The following PDGFC variants were observed in gnomAD, a reference collection of about 807,000 sequenced individuals.
PDGFC encodes the protein platelet derived growth factor C.
PDGFC carries 12 observed loss-of-function variants against 35.5 expected under a neutral mutation model. The ratio of observed to expected loss-of-function variants is 0.34; its 90% CI spans 0.22 to 0.55. The LOEUF is 0.55. Among genes scored for constraint, PDGFC ranks in the 20% least tolerant of loss-of-function variants. The probability of loss-of-function intolerance (pLI) is 0.91; values close to 1 mark genes in which losing one functional copy is unlikely to be tolerated. For missense variants in PDGFC, 322 were observed against 412.4 expected, an observed-to-expected ratio of 0.78 and a Z score of 1.90; for synonymous variants, 159 against 148.8, an observed-to-expected ratio of 1.07 and a Z score of -0.50.
At chr4:156,830,579 A>G (rs1728907808) in intron 2 of PDGFC, among the ~76,000 whole-genome samples, 1 of 152,180 alleles carries the variant, frequency 6.6e-6, no homozygotes, top group Admixed American at 6.5e-5. Context: ...GGCAAATATG[A>G]TCACATTTTT....
chr4:156,825,874 T>G (rs1289581320), intron 2 of PDGFC, among the ~76,000 whole-genome samples: 2 of 151,630 alleles, frequency 1.3e-5, no homozygotes, highest in African/African-American at 4.8e-5. Flanking sequence ...AATTTTCTTT[T>G]TTTTTTTTTT....
intron 1 of PDGFC, among the ~76,000 whole-genome samples, chr4:156,959,347 T>G (rs1276513283): frequency 6.6e-6 from 1 of 152,014 alleles, no homozygotes; most frequent in Non-Finnish European, 1.5e-5. Context: ...CACCCCTAAA[T>G]TTGGACTGCA....
At chr4:156,891,526 T>C (rs2343116) in intron 1 of PDGFC, among the ~76,000 whole-genome samples, 6,969 of 151,834 alleles carry the variant, frequency 0.046, 347 homozygotes, top group Admixed American at 0.15. Context: ...GATTCTCTAT[T>C]GGAGTTTACA....
intron 1 of PDGFC, among the ~76,000 whole-genome samples, chr4:156,962,143 C>T (rs1231379677): frequency 6.6e-6 from 1 of 152,150 alleles, no homozygotes; most frequent in Non-Finnish European, 1.5e-5. Flanking sequence ...GCAGGAAGTA[C>T]ACACAGCATC....
intron 1 of PDGFC, among the ~76,000 whole-genome samples, chr4:156,859,820 A>C (rs902099328): frequency 6.6e-6 from 1 of 152,168 alleles, no homozygotes; most frequent in Non-Finnish European, 1.5e-5. Context: ...CATTTTTAAT[A>C]CCAATGAGAA....
chr4:156,970,869 G>A lies in PDGFC; in HGVS notation c.35C>T (p.Ala12Val). 5 of 1,613,846 alleles carry A rather than the reference G, an allele frequency of 3.1e-6. No individual in the cohort carries two copies. The highest frequency in any genetic ancestry group is 3.4e-6 in the Non-Finnish European group (4 of 1,179,820). ...AGTCCCCTGTCTCTGGCCGGCCAGG[G>A]CAGATGTCAGCAGGAGAAGCCCGAA... ...SLFGLLLLTSALAGQRQGTQA... is the reference protein window; with the variant it reads ...SLFGLLLLTSVLAGQRQGTQA... The change falls in exon 1 of 6, where the codon GCC becomes GTC. Residue 12 changes from alanine (A) to valine (V), a missense_variant. Coordinates refer to ENST00000502773, the MANE Select transcript of PDGFC (RefSeq NM_016205.3).
At chr4:156,886,485 A>G (rs1730378675) in intron 1 of PDGFC, among the ~76,000 whole-genome samples, 1 of 152,220 alleles carries the variant, frequency 6.6e-6, no homozygotes, top group African/African-American at 2.4e-5. Context: ...GCTATTTGGC[A>G]GACATACTTT....
rs1047415044 is a variant in PDGFC, at chr4:156,936,609, A to C, written c.118+34177T>G. On this transcript the variant is annotated intron_variant, in intron 1 of 5. Transcript: ENST00000502773. ...ACTAGAGAAGAATCAGGAAAAGGCAATTGGAAAAAGAGGAAATATTTGAAA... is the reference window on the plus strand; with the variant it reads ...ACTAGAGAAGAATCAGGAAAAGGCACTTGGAAAAAGAGGAAATATTTGAAA... 2.0e-5 allele frequency among the ~76,000 whole-genome samples: 3 copies of C among 152,220 alleles called. No individual in the cohort carries two copies. In the South Asian group the frequency reaches 6.2e-4, roughly 32 times the overall value.
chr4:156,777,876 G>A (rs899621640), intron 3 of PDGFC, among the ~76,000 whole-genome samples: 9 of 152,152 alleles, frequency 5.9e-5, no homozygotes, highest in African/African-American at 2.2e-4. Flanking sequence ...GCCAAGGCGG[G>A]TGGATCACTT....
At chr4:156,865,866 G>A (rs568834635) in intron 1 of PDGFC, among the ~76,000 whole-genome samples, 1 of 152,138 alleles carries the variant, frequency 6.6e-6, no homozygotes, top group Admixed American at 6.5e-5. Context: ...GCATAAAATA[G>A]ATTTAATTTG....
chr4:156,824,795 C>G (rs957277557), intron 2 of PDGFC, among the ~76,000 whole-genome samples: 4 of 152,224 alleles, frequency 2.6e-5, no homozygotes, highest in Admixed American at 6.5e-5. Flanking sequence ...TCATAGTCCT[C>G]TCTCTTCTAG....
chr4:156,911,992 A>C (rs1394078749), intron 1 of PDGFC, among the ~76,000 whole-genome samples: 1 of 152,142 alleles, frequency 6.6e-6, no homozygotes, highest in African/African-American at 2.4e-5. Context: ...TCAAGGTTTC[A>C]ATATTTAAAA....
intron 1 of PDGFC, among the ~76,000 whole-genome samples, chr4:156,958,378 C>A (rs985218820): frequency 2.0e-5 from 3 of 151,678 alleles, no homozygotes; most frequent in African/African-American, 4.8e-5. Context: ...ATAATATCCA[C>A]CATTGTCTGT....
intron 1 of PDGFC, among the ~76,000 whole-genome samples, chr4:156,901,862 T>G (rs1202999469): frequency 2.0e-5 from 3 of 152,114 alleles, no homozygotes; most frequent in Admixed American, 2.0e-4. Context: ...TCTGCCCGCC[T>G]CGGCCTCCCA....
chr4:156,827,180 G>A (rs1728787671), intron 2 of PDGFC, among the ~76,000 whole-genome samples: 1 of 152,140 alleles, frequency 6.6e-6, no homozygotes, highest in Non-Finnish European at 1.5e-5. Flanking sequence ...CACTTTGGGA[G>A]GCCAAGGTGG....
In PDGFC at chr4:156,762,987, A is replaced by G; in HGVS notation, c.*103T>C. 1.5e-6 allele frequency: 1 copy of G among 680,740 alleles called. No homozygotes were observed. The highest frequency in any genetic ancestry group is 1.9e-5 in the Admixed American group (1 of 52,626). The allele number at this position is 680,740 out of a possible 1,614,324, so 42.2% of individuals were successfully genotyped here. A position where few individuals can be genotyped will look rare whatever the true frequency, so the allele number is the denominator to read the frequency against. On this transcript the variant is annotated 3_prime_UTR_variant, in exon 6 of 6. Coordinates refer to ENST00000502773, the MANE Select transcript of PDGFC (RefSeq NM_016205.3). Reference sequence around the variant, plus strand: ...AATCCTGAAGATGAAAGGTCCTTGAAGCAAACAACTGAGATTAAGGATGGA... The same window carrying G: ...AATCCTGAAGATGAAAGGTCCTTGAGGCAAACAACTGAGATTAAGGATGGA...
chr4:156,871,499 T>C (rs1420785760), intron 1 of PDGFC, among the ~76,000 whole-genome samples: 1 of 152,096 alleles, frequency 6.6e-6, no homozygotes, highest in Admixed American at 6.6e-5. Context: ...AAATGGGTCA[T>C]GTGTAAAAGA....
At chr4:156,793,425 G>C (rs1731348728) in intron 3 of PDGFC, among the ~76,000 whole-genome samples, 1 of 150,958 alleles carries the variant, frequency 6.6e-6, no homozygotes, top group African/African-American at 2.4e-5. Flanking sequence ...GACATGTTTA[G>C]TGGAGTTGTG....
At chr4:156,814,890 G>A (rs1732038512) in intron 2 of PDGFC, among the ~76,000 whole-genome samples, 1 of 152,114 alleles carries the variant, frequency 6.6e-6, no homozygotes, top group Non-Finnish European at 1.5e-5. Context: ...AATAGGAGAA[G>A]GGTGATGAGC....
Sources: gnomAD v4.1 joint callset for allele counts (sites outside exome capture counted in the v4.1 genomes callset) on GRCh38, gnomAD v4.1.1 for gene constraint, MANE v1.5 for transcripts, NCBI Gene and HGNC (gene_info 2026-07-23, HGNC 2026-07-21) for gene names.